The following NUBP1 variants were observed in gnomAD, a reference collection of about 807,000 sequenced individuals.
NUBP1 encodes the protein cytosolic Fe-S cluster assembly factor NUBP1.
Under a neutral mutation model 41.8 loss-of-function variants are expected in NUBP1, and 46 were observed. The ratio of observed to expected loss-of-function variants is 1.10; its 90% confidence interval spans 0.87 to 1.41. NUBP1 has a LOEUF of 1.41. Among genes scored for constraint, NUBP1 ranks in the 40% most tolerant of loss-of-function variants. NUBP1 has a pLI of 0.00. For synonymous variants in NUBP1, 189 were observed against 154.6 expected (o/e 1.22, Z -1.65); for missense variants, 494 against 414.0 (o/e 1.19, Z -1.68).
chr16:10,745,038 A>G (rs8063715), intron 2 of NUBP1, among the ~76,000 whole-genome samples: 75,575 of 150,734 alleles, frequency 0.5, 21,441 homozygotes, highest in African/African-American at 0.78. Context: ...GATTACAGGC[A>G]TGAGCCACTG....
Position 10,766,790 on chromosome 16 carries a change from TA to T in NUBP1, c.821-1158del. 2.5e-6 allele frequency: 1 copy of T among 397,288 alleles called. No homozygotes were observed. The highest frequency in any genetic ancestry group is 3.6e-5 in the East Asian group (1 of 28,072). The allele number at this position is 397,288 out of a possible 1,614,324, so 24.6% of individuals were successfully genotyped here. On this transcript the variant is annotated intron_variant, in intron 9 of 10. Coordinates refer to ENST00000283027, the MANE Select transcript of NUBP1 (RefSeq NM_002484.4). The surrounding 1 kb of genome is among the most constrained non-coding windows in gnomAD (Gnocchi z 4.8). ...CCATTACAGAGTTTTTGTGTTTAAA[TA>T]CCCTCTACTTGAGGTACGCCCTATA...
At chr16:10,760,527 C>G (rs1900873772) in intron 7 of NUBP1, among the ~76,000 whole-genome samples, 1 of 152,240 alleles carries the variant, frequency 6.6e-6, no homozygotes, top group Non-Finnish European at 1.5e-5. Context: ...AGGAGGATCA[C>G]TTCACACCAG....
intron 7 of NUBP1, among the ~76,000 whole-genome samples, chr16:10,760,286 C>T (rs890085112): frequency 1.3e-5 from 2 of 152,364 alleles, no homozygotes; most frequent in South Asian, 2.1e-4. Flanking sequence ...CAGCCACAGA[C>T]GGTGCCTAGA....
chr16:10,745,436 C>T (rs1234257578), intron 2 of NUBP1, among the ~76,000 whole-genome samples: 3 of 151,692 alleles, frequency 2.0e-5, no homozygotes, highest in Admixed American at 6.6e-5. Flanking sequence ...GCCTGGGTGA[C>T]AGAGTGAGAC....
intron 7 of NUBP1, 160 bp from the exon 8 acceptor site, chr16:10,761,204 T>G (rs1809037946): frequency 1.0e-5 from 6 of 579,380 alleles, no homozygotes; most frequent in East Asian, 3.1e-5. Flanking sequence ...CAGTTCGAGC[T>G]GAGATTTGGA....
intron 2 of NUBP1, among the ~76,000 whole-genome samples, chr16:10,745,464 A>T (rs1211795897): frequency 2.6e-5 from 4 of 152,156 alleles, no homozygotes; most frequent in African/African-American, 9.7e-5. Context: ...CAAAGAAAAA[A>T]AAAAATGAAG....
In NUBP1 at chr16:10,756,682, C is replaced by G; in HGVS notation, c.361-8C>G. The stretch of plus-strand genomic sequence containing the variant: ...GCGTGTCTTGCCCTCACCCTGTTCC[C>G]TCTGCAGTACGTGGAAGACAACCTG... On this transcript the variant is annotated splice_region_variant and splice_polypyrimidine_tract_variant and intron_variant, in intron 5 of 10. Transcript: ENST00000283027. The G allele has an allele frequency of 6.4e-7, 1 of 1,551,372 alleles. No homozygotes were observed. Among genetic ancestry groups the G allele is most frequent in the Non-Finnish European group, 8.6e-7 (1 of 1,156,996 alleles).
rs1317234570 is a variant in NUBP1 at position 10,767,873 on chromosome 16, G to A, written c.821-76G>A. 2.2e-6 allele frequency: 3 copies of A among 1,370,622 alleles called. No homozygotes were observed. The highest frequency in any genetic ancestry group is 3.1e-6 in the Non-Finnish European group (3 of 959,856). 84.9% of individuals were successfully genotyped at this position (1,370,622 alleles called of 1,614,324 possible). ...AGATCTTCCCATTGTCACCAGCACG[G>A]AAAGAGCCCCAAGATCTTGTGGCCA... On this transcript the variant is annotated intron_variant, in intron 9 of 10. Coordinates refer to ENST00000283027, the MANE Select transcript of NUBP1 (RefSeq NM_002484.4). The surrounding 1 kb of genome is among the most constrained non-coding windows in gnomAD (Gnocchi z 4.6).
intron 3 of NUBP1, among the ~76,000 whole-genome samples, chr16:10,751,040 G>A (rs1169884243): frequency 1.3e-5 from 2 of 152,184 alleles, no homozygotes; most frequent in East Asian, 1.9e-4. Context: ...GAACAGACAG[G>A]ACCCAGGGCC....
chr16:10,752,560 G>C, intron 3 of NUBP1, 50 bp from the exon 4 acceptor site: 7 of 1,439,738 alleles, frequency 4.9e-6, no homozygotes, highest in Non-Finnish European at 6.8e-6. Context: ...TGTGTGTCTG[G>C]AGTGTGTGCA....
intron 2 of NUBP1, among the ~76,000 whole-genome samples, chr16:10,745,838 C>A (rs1567252845): frequency 6.6e-6 from 1 of 152,234 alleles, no homozygotes. Flanking sequence ...CTCATCCCAT[C>A]TTTGTTTGGC....
intron 5 of NUBP1, 67 bp from the exon 6 acceptor site, chr16:10,756,623 T>C: frequency 8.2e-7 from 1 of 1,218,234 alleles, no homozygotes; most frequent in Non-Finnish European, 1.1e-6. Context: ...ACAGAAGACC[T>C]GGGGGAGGGC....
At position 10,767,066 on chromosome 16, in the gene NUBP1, T is replaced by A; in HGVS notation, c.821-883T>A. On this transcript the variant is annotated intron_variant, in intron 9 of 10. Transcript: ENST00000283027. The surrounding 1 kb of genome is among the most constrained non-coding windows in gnomAD (Gnocchi z 4.6). ...GTGAAGTTGAGGAAATGATGAGTGC[T>A]AGGTAGGAACCCCTCCTGGGGTTCA... is the stretch of plus-strand genomic sequence containing the variant. The A allele has an allele frequency of 2.5e-6, 1 of 398,732 alleles. No homozygotes were observed. The highest frequency in any genetic ancestry group is 2.1e-5 in the African/African-American group (1 of 48,744). 24.7% of individuals were successfully genotyped at this position (398,732 alleles called of 1,614,324 possible).
intron 3 of NUBP1, among the ~76,000 whole-genome samples, chr16:10,751,641 C>A (rs72785620): frequency 2.0e-5 from 3 of 152,122 alleles, no homozygotes; most frequent in Non-Finnish European, 2.9e-5. Flanking sequence ...TCCTGAAGGC[C>A]GTCTCAGACC....
rs1275808971 is a variant in NUBP1 at position 10,752,667 on chromosome 16, G to A, written c.316G>A (p.Glu106Lys). The A allele has an allele frequency of 3.1e-6, 5 of 1,613,812 alleles. No individual in the cohort carries two copies. ...GPSIPKIMGLEGEQVHQSGSG... is the reference protein window; with the variant it reads ...GPSIPKIMGLKGEQVHQSGSG... ...ATCGATTCCCAAGATAATGGGATTG[G>A]AAGGAGAGCAGGTAATAGCCGGTTA... The change falls in exon 4 of 11, where the codon GAA becomes AAA. Residue 106 changes from glutamate to lysine, a missense_variant. Glu to Lys is a moderately conservative substitution (Grantham distance 56). Coordinates refer to ENST00000283027, the MANE Select transcript of NUBP1 (RefSeq NM_002484.4).
rs1482147659 is a variant in NUBP1, at chr16:10,766,046, G to C, written c.821-1903G>C. 1.3e-5 allele frequency: 2 copies of C among 152,368 alleles called. No individual in the cohort carries two copies. The highest frequency in any genetic ancestry group is 1.3e-4 in the Admixed American group (2 of 15,288). The allele number at this position is 152,368 out of a possible 1,614,324, so 9.4% of individuals were successfully genotyped here. A position where few individuals can be genotyped will look rare whatever the true frequency, so the allele number is the denominator to read the frequency against. On this transcript the variant is annotated intron_variant, in intron 9 of 10. Coordinates refer to ENST00000283027, the MANE Select transcript of NUBP1 (RefSeq NM_002484.4). The surrounding 1 kb of genome is among the most constrained non-coding windows in gnomAD (Gnocchi z 4.8). ...AGTGGGGGAAAACCCACCTTCCTAG[G>C]AACAGACAGGAAGGCATGAGGACAG...
intron 5 of NUBP1, among the ~76,000 whole-genome samples, chr16:10,756,258 AAC>A (rs1900547295): frequency 6.6e-6 from 1 of 152,172 alleles, no homozygotes; most frequent in Admixed American, 6.5e-5. Flanking sequence ...ACGCGCCTGT[AAC>A]ACTGGCTACT....
chr16:10,763,318 A>G (rs1252141534), intron 9 of NUBP1, among the ~76,000 whole-genome samples: 1 of 151,436 alleles, frequency 6.6e-6, no homozygotes, highest in Non-Finnish European at 1.5e-5. Context: ...CCAGGAGGAC[A>G]GTGTTGGGGG....
intron 8 of NUBP1, 43 bp from the exon 9 acceptor site, chr16:10,761,714 T>G (rs766936204): frequency 1.3e-6 from 2 of 1,520,494 alleles, no homozygotes; most frequent in Non-Finnish European, 1.8e-6. Context: ...CTTGTGATTC[T>G]GCAAAAAAAT....
Sources: allele counts gnomAD v4.1 joint callset (sites outside exome capture counted in the v4.1 genomes callset), GRCh38; gene constraint gnomAD v4.1.1; non-coding constraint Gnocchi (gnomAD v3.1); transcripts MANE v1.5; gene names NCBI Gene and HGNC (gene_info 2026-07-23, HGNC 2026-07-21).